SGMS1: variants seen among roughly 807,000 people sequenced by gnomAD.
SGMS1 encodes the protein sphingomyelin synthase 1.
In SGMS1, 13 loss-of-function variants were observed where a neutral mutation model predicts 46.2. The observed-to-expected ratio is 0.28, with a 90% CI of 0.18 to 0.45. SGMS1 has a LOEUF of 0.45. SGMS1 is among the 20% of genes least tolerant of loss of function. The probability of loss-of-function intolerance (pLI) is 1.00; values close to 1 mark genes in which losing one functional copy is unlikely to be tolerated. For synonymous variants in SGMS1, 203 were observed against 187.8 expected, an observed-to-expected ratio of 1.08 and a Z score of -0.66; for missense variants, 324 against 519.9, an observed-to-expected ratio of 0.62 and a Z score of 3.66.
At chr10:50,526,238 G>A (rs1031143360) in intron 2 of SGMS1, among the ~76,000 whole-genome samples, 5 of 152,184 alleles carry the variant, frequency 3.3e-5, no homozygotes, top group Admixed American at 2.0e-4. Context: ...GGCAGAAGGC[G>A]AAAGGGAAGC....
At chr10:50,575,207 A>T (rs1838373295) in intron 2 of SGMS1, among the ~76,000 whole-genome samples, 1 of 152,086 alleles carries the variant, frequency 6.6e-6, no homozygotes, top group Admixed American at 6.5e-5. Flanking sequence ...AACATAGTGT[A>T]CAATATAGTG....
chr10:50,519,210 C>T lies in SGMS1; in HGVS notation c.-498+621G>A, dbSNP rs547106145. On this transcript the variant is annotated intron_variant, in intron 3 of 10. Transcript: ENST00000361781. ...ATACAGACATAGTAATCAACATATACACAGACACAGAAATAGAACATAGAA... is the reference window on the plus strand; with the variant it reads ...ATACAGACATAGTAATCAACATATATACAGACACAGAAATAGAACATAGAA... Among the ~76,000 whole-genome samples the T allele has an allele frequency of 6.6e-5, 10 of 152,206 alleles. No individual in the cohort carries two copies. The South Asian group carries it at 2.1e-3, about 32-fold the overall frequency.
chr10:50,427,901 AAGAC>A (rs1290032692), intron 6 of SGMS1, among the ~76,000 whole-genome samples: 3 of 152,138 alleles, frequency 2.0e-5, no homozygotes, highest in Admixed American at 6.5e-5. Flanking sequence ...ATGAAGGAGA[AAGAC>A]AGCAGTGGAA....
At chr10:50,568,265 A>C (rs1244304397) in intron 2 of SGMS1, among the ~76,000 whole-genome samples, 1 of 152,222 alleles carries the variant, frequency 6.6e-6, no homozygotes, top group Non-Finnish European at 1.5e-5. Flanking sequence ...TTATTCTTAC[A>C]TAGCATCAAA....
chr10:50,554,367 G>C (rs939986902), intron 2 of SGMS1, among the ~76,000 whole-genome samples: 1 of 152,148 alleles, frequency 6.6e-6, no homozygotes, highest in Non-Finnish European at 1.5e-5. Context: ...TTTCAGAAAA[G>C]CAAGCCTAAG....
chr10:50,477,218 G>A (rs1236338470), intron 3 of SGMS1, among the ~76,000 whole-genome samples: 1 of 152,242 alleles, frequency 6.6e-6, no homozygotes, highest in African/African-American at 2.4e-5. Context: ...CATCAGTGTG[G>A]CCTGGATGTG....
chr10:50,457,546 C>CAGTT (rs1837207809), intron 5 of SGMS1, among the ~76,000 whole-genome samples: 1 of 152,138 alleles, frequency 6.6e-6, no homozygotes, highest in Non-Finnish European at 1.5e-5. Flanking sequence ...CAGTACCCAA[C>CAGTT]AGTTAGTCTT....
intron 6 of SGMS1, chr10:50,417,988 T>C (rs1197090046): frequency 6.6e-6 from 1 of 152,228 alleles, no homozygotes; most frequent in Non-Finnish European, 1.5e-5. Context: ...TTGGCACTGA[T>C]TGCGGTATTT....
intron 1 of SGMS1, chr10:50,590,826 C>T (rs1296757927): frequency 6.6e-6 from 1 of 152,116 alleles, no homozygotes; most frequent in African/African-American, 2.4e-5. Flanking sequence ...CATCTTATAG[C>T]TGAAGGTTTG....
At chr10:50,617,330 A>G (rs539364657) in intron 1 of SGMS1, among the ~76,000 whole-genome samples, 1 of 152,364 alleles carries the variant, frequency 6.6e-6, no homozygotes, top group South Asian at 2.1e-4. Flanking sequence ...AAATGGTACT[A>G]TACTGTATGG....
intron 5 of SGMS1, among the ~76,000 whole-genome samples, chr10:50,443,964 A>G (rs974136511): frequency 6.6e-6 from 1 of 152,120 alleles, no homozygotes; most frequent in African/African-American, 2.4e-5. Context: ...CTAAGGGTGA[A>G]TATTGTGATC....
chr10:50,576,327 C>A (rs1838384996), intron 2 of SGMS1, among the ~76,000 whole-genome samples: 1 of 152,226 alleles, frequency 6.6e-6, no homozygotes. Flanking sequence ...GCATCATATA[C>A]TGAGGTCTCT....
At chr10:50,470,221 A>G (rs1156329551) in intron 3 of SGMS1, among the ~76,000 whole-genome samples, 1 of 152,192 alleles carries the variant, frequency 6.6e-6, no homozygotes, top group Admixed American at 6.5e-5. Flanking sequence ...AGAGCACTCC[A>G]TTAAAACTGC....
intron 6 of SGMS1, among the ~76,000 whole-genome samples, chr10:50,349,982 G>C (rs1847979070): frequency 6.6e-6 from 1 of 152,198 alleles, no homozygotes; most frequent in African/African-American, 2.4e-5. Flanking sequence ...GCAGAGGCTG[G>C]AACAGTTTGG....
rs1458014173 is a variant in SGMS1, at chr10:50,394,479, T to C, written c.-232+38997A>G. Among the ~76,000 whole-genome samples, 4 of 152,202 alleles carry C rather than the reference T, an allele frequency of 2.6e-5. No individual in the cohort carries two copies. In the East Asian group the frequency reaches 7.7e-4, roughly 29 times the overall value. ...GTCAAGCCTTGTTTAAGAGTCCCAGTTGGAGCACCCAGTTGGAAACCCCAT... is the reference window on the plus strand; with the variant it reads ...GTCAAGCCTTGTTTAAGAGTCCCAGCTGGAGCACCCAGTTGGAAACCCCAT... On this transcript the variant is annotated intron_variant, in intron 6 of 10. Transcript: ENST00000361781.
intron 6 of SGMS1, among the ~76,000 whole-genome samples, chr10:50,353,972 T>C (rs368318540): frequency 5.3e-5 from 8 of 152,312 alleles, no homozygotes; most frequent in South Asian, 4.2e-4. Context: ...CATTCCATGC[T>C]CATGGGTAGG....
intron 6 of SGMS1, among the ~76,000 whole-genome samples, chr10:50,384,949 C>A (rs949781964): frequency 1.3e-5 from 2 of 152,308 alleles, no homozygotes; most frequent in East Asian, 3.9e-4. Context: ...AATTTCCCCT[C>A]TAATAGCCTT....
At chr10:50,614,450 C>T (rs1838778752) in intron 1 of SGMS1, among the ~76,000 whole-genome samples, 2 of 152,226 alleles carry the variant, frequency 1.3e-5, no homozygotes, top group South Asian at 4.1e-4. Context: ...GAAGTAGTAG[C>T]AGCTGGCTCC....
intron 1 of SGMS1, among the ~76,000 whole-genome samples, chr10:50,619,005 T>C (rs1245988793): frequency 6.6e-6 from 1 of 151,756 alleles, no homozygotes; most frequent in East Asian, 1.9e-4. Context: ...ATTAAGAAAA[T>C]GCACACAGAC....
Sources: allele counts gnomAD v4.1 joint callset (sites outside exome capture counted in the v4.1 genomes callset), GRCh38; gene constraint gnomAD v4.1.1; transcripts MANE v1.5; gene names NCBI Gene and HGNC (gene_info 2026-07-23, HGNC 2026-07-21).